Variants in CADM2 observed in about 807,000 individuals in gnomAD.
The protein encoded by CADM2 is immunoglobulin superfamily member 4D.
Under a neutral mutation model 49.8 loss-of-function variants are expected in CADM2, and 12 were observed. The observed-to-expected ratio is 0.24, with a 90% CI of 0.15 to 0.39. The LOEUF (loss-of-function observed/expected upper bound fraction) is 0.39. Among genes scored for constraint, CADM2 ranks in the 10% least tolerant of loss-of-function variants. CADM2 has a pLI of 1.00. For synonymous variants in CADM2, 214 were observed against 175.4 expected, an observed-to-expected ratio of 1.22 and a Z score of -1.74; for missense variants, 378 against 492.3, an observed-to-expected ratio of 0.77 and a Z score of 2.20.
chr3:85,065,413 G>A (rs1256980615), intron 1 of CADM2, among the ~76,000 whole-genome samples: 1 of 151,848 alleles, frequency 6.6e-6, no homozygotes, highest in Non-Finnish European at 1.5e-5. Flanking sequence ...TTAATGTGTT[G>A]TCTCTTTTTT....
rs568857437 is a variant in CADM2, at chr3:85,315,447, CA to C, written c.61+355783del. On this transcript the variant is annotated intron_variant, in intron 1 of 9. Transcript: ENST00000383699. Reference sequence around the variant, plus strand: ...ATTAGAAAACCCAGTATAAGAAAAACAAAATTTGAAATTTGAAAGAGTAAAA... The same window carrying C: ...ATTAGAAAACCCAGTATAAGAAAAACAAATTTGAAATTTGAAAGAGTAAAA... 4.0e-3 allele frequency among the ~76,000 whole-genome samples: 615 copies of C among 152,010 alleles called. 1 individual carries two copies. Among genetic ancestry groups the C allele is most frequent in the Middle Eastern group, 0.01 (3 of 294 alleles).
intron 1 of CADM2, among the ~76,000 whole-genome samples, chr3:85,040,570 C>T (rs1305574436): frequency 6.6e-6 from 1 of 150,544 alleles, no homozygotes; most frequent in Admixed American, 6.6e-5. Flanking sequence ...ATTAAGCCAT[C>T]TCAAACAAAC....
At chr3:85,466,130 A>T (rs1238656530) in intron 1 of CADM2, among the ~76,000 whole-genome samples, 1 of 152,164 alleles carries the variant, frequency 6.6e-6, no homozygotes, top group Non-Finnish European at 1.5e-5. Context: ...TTTCAAAATT[A>T]TCTTGTCAAT....
At chr3:85,121,874 T>C (rs913706586) in intron 1 of CADM2, among the ~76,000 whole-genome samples, 1 of 152,174 alleles carries the variant, frequency 6.6e-6, no homozygotes, top group Admixed American at 6.6e-5. Flanking sequence ...TAAATGAATT[T>C]AGTTTTCTTT....
intron 1 of CADM2, among the ~76,000 whole-genome samples, chr3:85,570,330 G>A (rs1290160158): frequency 6.6e-6 from 1 of 152,006 alleles, no homozygotes; most frequent in African/African-American, 2.4e-5. Flanking sequence ...ACCAAGAAGA[G>A]CACCAAATAT....
chr3:85,375,250 T>A (rs780329029), intron 1 of CADM2, among the ~76,000 whole-genome samples: 2 of 152,188 alleles, frequency 1.3e-5, no homozygotes, highest in Non-Finnish European at 2.9e-5. Flanking sequence ...TTGATACCAC[T>A]ATATGATAAT....
intron 2 of CADM2, among the ~76,000 whole-genome samples, chr3:85,763,236 C>T (rs1254907065): frequency 1.3e-5 from 2 of 152,182 alleles, no homozygotes; most frequent in Non-Finnish European, 2.9e-5. Context: ...AAAGAAACTA[C>T]TGGGCAGGAA....
chr3:85,542,835 A>T (rs924932090), intron 1 of CADM2, among the ~76,000 whole-genome samples: 8 of 152,334 alleles, frequency 5.3e-5, no homozygotes, highest in Non-Finnish European at 8.8e-5. Context: ...CCCTAACGTC[A>T]AGAGTGGCAA....
intron 1 of CADM2, among the ~76,000 whole-genome samples, chr3:85,120,618 G>A (rs1485015299): frequency 6.6e-6 from 1 of 152,104 alleles, no homozygotes; most frequent in Admixed American, 6.6e-5. Flanking sequence ...ATAAATGGGA[G>A]ATGAACAGTG....
intron 5 of CADM2, among the ~76,000 whole-genome samples, chr3:85,887,553 T>C (rs1559723081): frequency 6.6e-6 from 1 of 152,180 alleles, no homozygotes; most frequent in Non-Finnish European, 1.5e-5. Flanking sequence ...TTTCTCTGCA[T>C]ATTTTTCCCA....
chr3:85,134,660 G>C (rs140203180), intron 1 of CADM2, among the ~76,000 whole-genome samples: 180 of 152,222 alleles, frequency 1.2e-3, no homozygotes, highest in Admixed American at 3.6e-3. Context: ...TACTTGATAA[G>C]ATTGTGGTGG....
chr3:85,057,893 C>T (rs188081194), intron 1 of CADM2, among the ~76,000 whole-genome samples: 1 of 152,186 alleles, frequency 6.6e-6, no homozygotes, highest in Admixed American at 6.5e-5. Flanking sequence ...GGTTGTTTTT[C>T]AGTACACTTG....
intron 1 of CADM2, among the ~76,000 whole-genome samples, chr3:85,363,905 C>T (rs548282274): frequency 6.6e-6 from 1 of 152,334 alleles, no homozygotes; most frequent in South Asian, 2.1e-4. Context: ...GCCACCGCGC[C>T]CGGCCTTGAT....
At chr3:85,429,212 G>A (rs1483325985) in intron 1 of CADM2, among the ~76,000 whole-genome samples, 2 of 151,912 alleles carry the variant, frequency 1.3e-5, no homozygotes, top group African/African-American at 2.4e-5. Flanking sequence ...CTATTAGAAA[G>A]GTCTAATAAT....
chr3:85,218,880 C>A (rs2041988047), intron 1 of CADM2, among the ~76,000 whole-genome samples: 1 of 152,194 alleles, frequency 6.6e-6, no homozygotes, highest in Non-Finnish European at 1.5e-5. Flanking sequence ...ACTAATAACA[C>A]AGGACTATAA....
chr3:85,134,222 C>T (rs1030436722), intron 1 of CADM2, among the ~76,000 whole-genome samples: 1 of 152,208 alleles, frequency 6.6e-6, no homozygotes, highest in South Asian at 2.1e-4. Flanking sequence ...CGCGCAGCCC[C>T]GGTTCCCGCT....
At chr3:84,998,176 A>T (rs1344257999) in intron 1 of CADM2, among the ~76,000 whole-genome samples, 2 of 152,154 alleles carry the variant, frequency 1.3e-5, no homozygotes, top group African/African-American at 4.8e-5. Context: ...AGCTATTTTT[A>T]TAATGAGGCT....
At chr3:85,838,585 C>A (rs532210872) in intron 3 of CADM2, among the ~76,000 whole-genome samples, 32 of 151,618 alleles carry the variant, frequency 2.1e-4, no homozygotes, top group African/African-American at 6.8e-4. Flanking sequence ...GAGGGGAGGA[C>A]CTTAACTTAA....
intron 1 of CADM2, among the ~76,000 whole-genome samples, chr3:85,088,879 C>T (rs181307373): frequency 1.3e-5 from 2 of 152,130 alleles, no homozygotes; most frequent in African/African-American, 4.8e-5. Context: ...CATCGATGCT[C>T]TCAGCTGACC....
Sources: allele counts gnomAD v4.1 joint callset (sites outside exome capture counted in the v4.1 genomes callset), GRCh38; gene constraint gnomAD v4.1.1; transcripts MANE v1.5; gene names NCBI Gene and HGNC (gene_info 2026-07-23, HGNC 2026-07-21).